Variants in R3HDM2 observed in about 807,000 individuals in gnomAD.
The protein encoded by R3HDM2 is R3H domain-containing protein 2.
Under a neutral mutation model 124.5 loss-of-function variants are expected in R3HDM2, and 38 were observed. The observed-to-expected ratio is 0.31, with a 90% confidence interval of 0.24 to 0.40. The LOEUF (loss-of-function observed/expected upper bound fraction) is 0.40. Among genes scored for constraint, R3HDM2 ranks in the 10% least tolerant of loss-of-function variants. The pLI is 1.00. For missense variants in R3HDM2, 869 were observed against 1,236.9 expected (o/e 0.70, Z 4.46); for synonymous variants, 391 against 448.0 (o/e 0.87, Z 1.61).
rs775076963 is a variant in R3HDM2, at chr12:57,256,030, T to G, written c.2592A>C (p.Ala864=). 1 of 1,613,914 alleles carries G rather than the reference T, an allele frequency of 6.2e-7. No homozygotes were observed. Among genetic ancestry groups the G allele is most frequent in the South Asian group, 1.1e-5 (1 of 91,080 alleles). ...LKHGNRGKRQ[A]LKSASTDLGT... is the part of the protein sequence containing the mutation. ...CCAGGTCAGTGGAGGCAGATTTGAG[T>G]GCTTGTCTCTTGCCCCGGTTTCCAT... The change falls in exon 23 of 24, where the codon GCA becomes GCC. Residue 864 remains alanine (A), a synonymous_variant. Transcript: ENST00000402412.
At chr12:57,260,286 G>A (rs1268570371) in intron 19 of R3HDM2, among the ~76,000 whole-genome samples, 188 of 26,598 alleles carry the variant, frequency 7.1e-3, no homozygotes, top group Non-Finnish European at 0.011. Flanking sequence ...AAAAAAAAAA[G>A]CCTGCTGAAA....
rs2045321451 is a variant in R3HDM2, at chr12:57,278,260, C to A, written c.1344+2098G>T. On this transcript the variant is annotated intron_variant, in intron 14 of 23. Transcript: ENST00000402412. ...CCAATGCCAACGATCGACCAATTGA[C>A]CCTCACAATCCAGTAGCAGGGACAG... Among the ~76,000 whole-genome samples, 4 of 152,190 alleles carry A rather than the reference C, an allele frequency of 2.6e-5. No individual in the cohort carries two copies. In the South Asian group the frequency reaches 8.3e-4, roughly 32 times the overall value.
chr12:57,323,808 G>T (rs77564298), intron 2 of R3HDM2, among the ~76,000 whole-genome samples: 30 of 152,192 alleles, frequency 2.0e-4, no homozygotes, highest in African/African-American at 6.5e-4. Flanking sequence ...CCCTTTTTAC[G>T]TCCTAAAGTG....
At chr12:57,332,858 A>C (rs2058380038) in intron 2 of R3HDM2, among the ~76,000 whole-genome samples, 1 of 152,180 alleles carries the variant, frequency 6.6e-6, no homozygotes, top group Non-Finnish European at 1.5e-5. Flanking sequence ...TTCATATCTT[A>C]CAGAGAGCTG....
intron 21 of R3HDM2, 58 bp from the exon 22 acceptor site, chr12:57,256,569 TAA>T (rs1169751037): frequency 3.0e-6 from 4 of 1,332,980 alleles, no homozygotes; most frequent in Non-Finnish European, 4.1e-6. Context: ...ATGACTTTTA[TAA>T]GACTTCAAGG....
chr12:57,297,171 TA>T (rs1213184419), intron 8 of R3HDM2, 156 bp downstream of exon 8: 2 of 540,722 alleles, frequency 3.7e-6, no homozygotes, highest in Admixed American at 7.3e-5. Flanking sequence ...TGAAAAGATA[TA>T]AATTATTTTT....
rs114426975 is a variant in R3HDM2 at position 57,350,455 on chromosome 12, C to T, written c.-35-39992G>A. On this transcript the variant is annotated intron_variant, in intron 2 of 23. Coordinates refer to ENST00000402412, the MANE Select transcript of R3HDM2 (RefSeq NM_001394031.1). ...CTGAGATAAACTTCCAAAACTTCTC[C>T]CATATCTGGATGGCAAATAAAACTA... 1.5e-3 allele frequency among the ~76,000 whole-genome samples: 221 copies of T among 152,096 alleles called. 1 individual carries two copies. The highest frequency in any genetic ancestry group is 5.0e-3 in the African/African-American group (206 of 41,526).
chr12:57,408,255 T>C (rs1055706696), intron 1 of R3HDM2, among the ~76,000 whole-genome samples: 2 of 152,142 alleles, frequency 1.3e-5, no homozygotes, highest in African/African-American at 4.8e-5. Context: ...TTTGTAGAGA[T>C]GGGTTCTCAC....
At chr12:57,305,529 T>C (rs1361030902) in intron 3 of R3HDM2, 2 of 396,586 alleles carry the variant, frequency 5.0e-6, no homozygotes, top group Non-Finnish European at 8.9e-6. Context: ...TGAATGAATC[T>C]GCTTATTTCC....
At chr12:57,255,184 G>T in intron 23 of R3HDM2, 71 bp from the exon 24 acceptor site, 1 of 1,292,632 alleles carries the variant, frequency 7.7e-7, no homozygotes, top group South Asian at 1.4e-5. Flanking sequence ...CAGCCCAGCA[G>T]AGAAGTGTCC....
chr12:57,389,973 A>T (rs2066413422), intron 2 of R3HDM2, among the ~76,000 whole-genome samples: 1 of 152,148 alleles, frequency 6.6e-6, no homozygotes. Flanking sequence ...ACTGAACAAC[A>T]TCAGAAGTAT....
At chr12:57,313,958 G>A (rs2054495048) in intron 2 of R3HDM2, among the ~76,000 whole-genome samples, 1 of 151,810 alleles carries the variant, frequency 6.6e-6, no homozygotes, top group South Asian at 2.1e-4. Context: ...GGAGGCTGAG[G>A]TGGGCGGATC....
At position 57,268,973 on chromosome 12, in the gene R3HDM2, C is replaced by T. The variant is rs900376156; in HGVS notation, c.1824G>A (p.Gly608=). The change falls in exon 17 of 24, where the codon GGG becomes GGA. Residue 608 remains glycine, a synonymous_variant. Coordinates refer to ENST00000402412, the MANE Select transcript of R3HDM2 (RefSeq NM_001394031.1). Reference sequence around the variant, plus strand: ...GAACCACCAGGCCTTGCATCTGGCCCCCCATGCTGCTCCTCTGGCTGCTGA... The same window carrying T: ...GAACCACCAGGCCTTGCATCTGGCCTCCCATGCTGCTCCTCTGGCTGCTGA... ...GLLSSQRSSM[G]GQMQGLVVQY... The T allele has an allele frequency of 1.2e-6, 2 of 1,614,194 alleles. No homozygotes were observed. Among genetic ancestry groups the T allele is most frequent in the African/African-American group, 2.7e-5 (2 of 75,056 alleles).
chr12:57,408,505 C>T (rs983970506), intron 1 of R3HDM2, among the ~76,000 whole-genome samples: 7 of 151,984 alleles, frequency 4.6e-5, no homozygotes, highest in Non-Finnish European at 1.0e-4. Context: ...CCAAGACAGG[C>T]GGATTGCTTA....
At chr12:57,339,718 A>AGAGAAG (rs2059327197) in intron 2 of R3HDM2, among the ~76,000 whole-genome samples, 1 of 151,348 alleles carries the variant, frequency 6.6e-6, no homozygotes, top group South Asian at 2.1e-4. Context: ...AAAGAGAGAG[A>AGAGAAG]GAGAAGGAGA....
At chr12:57,338,882 A>G (rs1255535106) in intron 2 of R3HDM2, among the ~76,000 whole-genome samples, 1 of 152,098 alleles carries the variant, frequency 6.6e-6, no homozygotes, top group Non-Finnish European at 1.5e-5. Flanking sequence ...CTATTTCTAA[A>G]TATTAATAAT....
At chr12:57,353,859 T>C (rs531918106) in intron 2 of R3HDM2, among the ~76,000 whole-genome samples, 2 of 152,126 alleles carry the variant, frequency 1.3e-5, no homozygotes, top group African/African-American at 2.4e-5. Flanking sequence ...GTTTTTTTTA[T>C]TTTTTTATTT....
At chr12:57,393,019 T>C (rs1349772828) in intron 2 of R3HDM2, among the ~76,000 whole-genome samples, 2 of 152,050 alleles carry the variant, frequency 1.3e-5, no homozygotes, top group Non-Finnish European at 2.9e-5. Flanking sequence ...TTAGCCAGTA[T>C]GGTCTCAATC....
intron 9 of R3HDM2, among the ~76,000 whole-genome samples, chr12:57,295,930 C>CTGGA (rs1220331697): frequency 1.3e-5 from 2 of 152,146 alleles, no homozygotes; most frequent in South Asian, 2.1e-4. Flanking sequence ...GAGTGCATGG[C>CTGGA]GTGATCTTGG....
Sources: allele counts gnomAD v4.1 joint callset (sites outside exome capture counted in the v4.1 genomes callset), GRCh38; gene constraint gnomAD v4.1.1; transcripts MANE v1.5; gene names NCBI Gene and HGNC (gene_info 2026-07-23, HGNC 2026-07-21).